The following IPO8 variants were observed in gnomAD, a reference collection of about 807,000 sequenced individuals.
The protein encoded by IPO8 is importin-8.
Under a neutral mutation model 141.2 loss-of-function variants are expected in IPO8, and 65 were observed. That is an observed-to-expected ratio of 0.46 (90% CI 0.38 to 0.57). The LOEUF is 0.57. Ranked by LOEUF, IPO8 falls within the 20% of genes least tolerant of loss-of-function variation. IPO8 has a pLI of 0.00. For synonymous variants in IPO8, 411 were observed against 420.3 expected (o/e 0.98, Z 0.27); for missense variants, 980 against 1,246.8 (o/e 0.79, Z 3.22).
intron 3 of IPO8, among the ~76,000 whole-genome samples, 192 bp from the exon 4 acceptor site, chr12:30,682,009 T>A (rs768207452): frequency 6.6e-6 from 1 of 152,142 alleles, no homozygotes; most frequent in Non-Finnish European, 1.5e-5. Context: ...ATAAACAGAA[T>A]GGGTGAGTTT....
chr12:30,641,486 G>A (rs2052573240), intron 20 of IPO8, among the ~76,000 whole-genome samples: 1 of 130,720 alleles, frequency 7.6e-6, no homozygotes, highest in African/African-American at 3.0e-5. Flanking sequence ...AAAAAATTAA[G>A]CTATTTCTTT....
At chr12:30,657,454 G>C (rs1307766890) in intron 16 of IPO8, among the ~76,000 whole-genome samples, 2 of 152,144 alleles carry the variant, frequency 1.3e-5, no homozygotes, top group South Asian at 2.1e-4. Context: ...GAGTGTAAAT[G>C]GTATACACAA....
At chr12:30,632,798 T>C (rs1184157545) in intron 23 of IPO8, among the ~76,000 whole-genome samples, 1 of 152,098 alleles carries the variant, frequency 6.6e-6, no homozygotes, top group Non-Finnish European at 1.5e-5. Flanking sequence ...ATCTAAAAGG[T>C]CACCGCCTCA....
chr12:30,638,673 TC>T (rs2052535035), intron 21 of IPO8, among the ~76,000 whole-genome samples: 1 of 151,388 alleles, frequency 6.6e-6, no homozygotes, highest in Non-Finnish European at 1.5e-5. Flanking sequence ...ATCTCACTCT[TC>T]CTATTTTTTT....
At position 30,676,495 on chromosome 12, in the gene IPO8, T is replaced by C; in HGVS notation, c.729+3A>G. 1.9e-6 allele frequency: 3 copies of C among 1,607,494 alleles called. No individual in the cohort carries two copies. The highest frequency in any genetic ancestry group is 2.6e-6 in the Non-Finnish European group (3 of 1,174,292). ...ATTTTTCTTGGGAAAAGCTTTTTCTTACAGGAGGAACGGTCCTGTCGATAA... is the reference window on the plus strand; with the variant it reads ...ATTTTTCTTGGGAAAAGCTTTTTCTCACAGGAGGAACGGTCCTGTCGATAA... On this transcript the variant is annotated splice_donor_region_variant and intron_variant, in intron 6 of 24. Coordinates refer to ENST00000256079, the MANE Select transcript of IPO8 (RefSeq NM_006390.4).
chr12:30,661,098 G>C, intron 16 of IPO8, 43 bp downstream of exon 16: 1 of 1,350,918 alleles, frequency 7.4e-7, no homozygotes, highest in Non-Finnish European at 9.6e-7. Flanking sequence ...ATAAATTTCA[G>C]TTAAATGCTA....
intron 19 of IPO8, 22 bp downstream of exon 19, chr12:30,652,166 GAAAC>G (rs754237621): frequency 9.7e-6 from 13 of 1,344,452 alleles, no homozygotes; most frequent in Non-Finnish European, 1.4e-5. Flanking sequence ...AAGAACCACT[GAAAC>G]AATAGATTAG....
chr12:30,669,926 T>C (rs1233981485), intron 9 of IPO8, among the ~76,000 whole-genome samples: 1 of 152,198 alleles, frequency 6.6e-6, no homozygotes, highest in Admixed American at 6.5e-5. Context: ...ACAATTTATA[T>C]AAAAACAGGA....
At chr12:30,685,400 A>G (rs1474931384) in intron 2 of IPO8, among the ~76,000 whole-genome samples, 2 of 151,340 alleles carry the variant, frequency 1.3e-5, no homozygotes, top group African/African-American at 2.4e-5. Context: ...CGGCCTCCCA[A>G]AGTGCTAGGA....
intron 20 of IPO8, among the ~76,000 whole-genome samples, chr12:30,643,249 C>T (rs768171799): frequency 2.0e-5 from 3 of 152,136 alleles, no homozygotes; most frequent in Non-Finnish European, 4.4e-5. Context: ...CCATGAAGTG[C>T]ATGAGCCAAG....
rs1017843112 is a variant in IPO8 at position 30,681,779 on chromosome 12, T to C, written c.362A>G (p.His121Arg). Residue 121 changes from histidine to arginine, a missense_variant, in exon 4 of 25, where the codon CAT becomes CGT. Physicochemically the swap from His to Arg is conservative, Grantham distance 29. Coordinates refer to ENST00000256079, the MANE Select transcript of IPO8 (RefSeq NM_006390.4). ...TCCTGGCCAGTGACCAGGAAAATCA[T>C]GTTTTATGATGGCACGGAGACACAT... ...LTMCLRAIIK[H>R]DFPGHWPGVV... 1 of 1,613,744 alleles carries C rather than the reference T, an allele frequency of 6.2e-7. No individual in the cohort carries two copies. The highest frequency in any genetic ancestry group is 8.5e-7 in the Non-Finnish European group (1 of 1,179,714).
chr12:30,657,861 T>C (rs2136145225), intron 16 of IPO8, among the ~76,000 whole-genome samples: 1 of 152,232 alleles, frequency 6.6e-6, no homozygotes. Flanking sequence ...TTTTTGCTTA[T>C]ATGTTAATAG....
intron 5 of IPO8, 45 bp from the exon 6 acceptor site, chr12:30,676,632 A>G: frequency 7.2e-7 from 1 of 1,379,584 alleles, no homozygotes; most frequent in South Asian, 1.2e-5. Flanking sequence ...CTCCCATCCA[A>G]AAAAATCAGC....
At chr12:30,637,418 C>T (rs1324806997) in intron 21 of IPO8, among the ~76,000 whole-genome samples, 1 of 152,132 alleles carries the variant, frequency 6.6e-6, no homozygotes, top group Admixed American at 6.5e-5. Flanking sequence ...GTGAATCTTG[C>T]TGTAATATCA....
Position 30,652,987 on chromosome 12 carries a change from T to A in IPO8, c.2054A>T (p.Asp685Val). Reference protein sequence around the residue: ...LGILYEVFQQDCFEYFTDMMP... With the variant: ...LGILYEVFQQVCFEYFTDMMP... ...CATACCTGTAAAGTATTCAAAGCAA[T>A]CCTGCTGAAACACTTCATATAGTAT... Residue 685 changes from aspartate (D) to valine (V), a missense_variant, in exon 18 of 25, where the codon GAT (aspartate) becomes GTT (valine). Physicochemically the swap from Asp to Val is radical, Grantham distance 152. Transcript: ENST00000256079. The A allele has an allele frequency of 6.2e-7, 1 of 1,610,620 alleles. No individual in the cohort carries two copies. The highest frequency in any genetic ancestry group is 1.1e-5 in the South Asian group (1 of 90,708).
chr12:30,630,681 T>C lies in IPO8; in HGVS notation c.*179A>G, dbSNP rs1055162064. ...TTACAGTAGCTGTTTAAAATATATATTTCAGGGTGACAAAGGTCAAAGGGG... is the reference window on the plus strand; with the variant it reads ...TTACAGTAGCTGTTTAAAATATATACTTCAGGGTGACAAAGGTCAAAGGGG... On this transcript the variant is annotated 3_prime_UTR_variant, in exon 25 of 25. Coordinates refer to ENST00000256079, the MANE Select transcript of IPO8 (RefSeq NM_006390.4). 1 of 572,102 alleles carries C rather than the reference T, an allele frequency of 1.7e-6. No homozygotes were observed. The highest frequency in any genetic ancestry group is 3.3e-5 in the Admixed American group (1 of 30,568). 35.4% of individuals were successfully genotyped at this position (572,102 alleles called of 1,614,324 possible).
chr12:30,665,862 A>T lies in IPO8; in HGVS notation c.1222-17T>A. ...TGGCAACACCTAAAGAAACAGAAGAATCCATTTAGTCTACATGAACTTTCA... is the reference window on the plus strand; with the variant it reads ...TGGCAACACCTAAAGAAACAGAAGATTCCATTTAGTCTACATGAACTTTCA... On this transcript the variant is annotated splice_polypyrimidine_tract_variant and intron_variant, in intron 11 of 24. Coordinates refer to ENST00000256079, the MANE Select transcript of IPO8 (RefSeq NM_006390.4). 6.6e-7 allele frequency: 1 copy of T among 1,512,474 alleles called. No individual in the cohort carries two copies. Among genetic ancestry groups the T allele is most frequent in the Non-Finnish European group, 9.2e-7 (1 of 1,088,550 alleles). 93.7% of individuals were successfully genotyped at this position (1,512,474 alleles called of 1,614,324 possible).
chr12:30,666,969 A>C (rs2052975823), intron 10 of IPO8, among the ~76,000 whole-genome samples: 1 of 152,234 alleles, frequency 6.6e-6, no homozygotes, highest in Non-Finnish European at 1.5e-5. Context: ...TCTAAAACTT[A>C]ACATATCACT....
rs749412484 is a variant in IPO8 at position 30,636,971 on chromosome 12, GA to G, written c.2695+10del. On this transcript the variant is annotated intron_variant, in intron 22 of 24. Coordinates refer to ENST00000256079, the MANE Select transcript of IPO8 (RefSeq NM_006390.4). Reference sequence around the variant, plus strand: ...TCAATTGTAACATTAATTTCAATTAGAAGACTTTACCATTTTCTTCCATATC... The same window carrying G: ...TCAATTGTAACATTAATTTCAATTAGAGACTTTACCATTTTCTTCCATATC... 2 of 1,606,064 alleles carry G rather than the reference GA, an allele frequency of 1.2e-6. No individual in the cohort carries two copies. Among genetic ancestry groups the G allele is most frequent in the South Asian group, 2.2e-5 (2 of 90,878 alleles).
Sources: gnomAD v4.1 joint callset for allele counts (sites outside exome capture counted in the v4.1 genomes callset) on GRCh38, gnomAD v4.1.1 for gene constraint, MANE v1.5 for transcripts, NCBI Gene and HGNC (gene_info 2026-07-23, HGNC 2026-07-21) for gene names.